Variants in CSMD3 observed in about 807,000 individuals in gnomAD.
CSMD3 encodes CUB and sushi domain-containing protein 3.
Under a neutral mutation model 435.2 loss-of-function variants are expected in CSMD3, and 177 were observed. That is an observed-to-expected ratio of 0.41 (90% confidence interval 0.36 to 0.46). The LOEUF (loss-of-function observed/expected upper bound fraction) is 0.46. Among genes scored for constraint, CSMD3 ranks in the 20% least tolerant of loss-of-function variants. CSMD3 has a pLI of 0.34. For synonymous variants in CSMD3, 1,656 were observed against 1,520.5 expected, an observed-to-expected ratio of 1.09 and a Z score of -2.07; for missense variants, 4,265 against 4,504.6, an observed-to-expected ratio of 0.95 and a Z score of 1.52.
chr8:113,121,862 C>T (rs563117350), intron 4 of CSMD3, among the ~76,000 whole-genome samples: 14 of 152,150 alleles, frequency 9.2e-5, no homozygotes, highest in African/African-American at 3.4e-4. Context: ...TCTTCAAATA[C>T]CTCTTATACC....
chr8:113,271,493 G>A (rs1167355531), intron 3 of CSMD3, among the ~76,000 whole-genome samples: 1 of 152,160 alleles, frequency 6.6e-6, no homozygotes, highest in African/African-American at 2.4e-5. Context: ...GTTTCAGAGG[G>A]TGCAAGCCCC....
Position 113,374,847 on chromosome 8 carries a change from AC to A in CSMD3, c.179-60055del, listed in dbSNP as rs58116595. Among the ~76,000 whole-genome samples, 49 of 27,170 alleles carry A rather than the reference AC, an allele frequency of 1.8e-3. 4 individuals are homozygous for A. The highest frequency in any genetic ancestry group is 2.9e-3 in the African/African-American group (36 of 12,532). 17.8% of individuals were successfully genotyped at this position (27,170 alleles called of 152,430 possible). A position where few individuals can be genotyped will look rare whatever the true frequency, so the allele number is the denominator to read the frequency against. On this transcript the variant is annotated intron_variant, in intron 1 of 70. Transcript: ENST00000297405. ...AAAAAAAAAAAAAAAAAAAAAAAAA[AC>A]CAATAAAATGAACACCATAATACCA...
At chr8:112,475,679 A>T (rs1185170137) in intron 31 of CSMD3, among the ~76,000 whole-genome samples, 1 of 152,172 alleles carries the variant, frequency 6.6e-6, no homozygotes, top group African/African-American at 2.4e-5. Context: ...GCACGAACCT[A>T]ATATTTATAT....
intron 10 of CSMD3, among the ~76,000 whole-genome samples, chr8:112,867,920 C>CT (rs749996522): frequency 6.6e-6 from 1 of 151,998 alleles, no homozygotes; most frequent in Non-Finnish European, 1.5e-5. Flanking sequence ...CTTACTGTAA[C>CT]TTTTTTACTT....
At chr8:112,313,528 C>A (rs1822179512) in intron 49 of CSMD3, among the ~76,000 whole-genome samples, 1 of 152,042 alleles carries the variant, frequency 6.6e-6, no homozygotes, top group Admixed American at 6.6e-5. Context: ...GAAAACAAAT[C>A]TATTTTTTAA....
intron 38 of CSMD3, among the ~76,000 whole-genome samples, chr8:112,374,300 A>G (rs1006330813): frequency 1.3e-5 from 2 of 152,076 alleles, no homozygotes; most frequent in Non-Finnish European, 2.9e-5. Flanking sequence ...ATCTCTCTTT[A>G]TCAGTCCCTC....
intron 45 of CSMD3, among the ~76,000 whole-genome samples, chr8:112,326,570 T>C (rs998652100): frequency 6.6e-6 from 1 of 152,194 alleles, no homozygotes; most frequent in Non-Finnish European, 1.5e-5. Flanking sequence ...TTGACAAATA[T>C]TGGCATCAGC....
chr8:113,351,317 TAA>T lies in CSMD3; in HGVS notation c.179-36526_179-36525del, dbSNP rs2094188479. On this transcript the variant is annotated intron_variant, in intron 1 of 70. Coordinates refer to ENST00000297405, the MANE Select transcript of CSMD3 (RefSeq NM_198123.2). ...AAAGATAGTTCCTATAAAGGTAGAC[TAA>T]AACCCCAAACAGTTAAATGAATATA... 2.6e-5 allele frequency among the ~76,000 whole-genome samples: 4 copies of T among 152,204 alleles called. No individual in the cohort carries two copies. The South Asian group carries it at 8.3e-4, about 32-fold the overall frequency.
chr8:113,044,022 C>T (rs928332924), intron 5 of CSMD3, among the ~76,000 whole-genome samples: 2 of 152,098 alleles, frequency 1.3e-5, no homozygotes, highest in Middle Eastern at 3.4e-3. Context: ...AAATTCTTTT[C>T]ATATAGGTCA....
intron 3 of CSMD3, among the ~76,000 whole-genome samples, chr8:113,235,426 ACAGAGT>A (rs776043974): frequency 3.6e-4 from 55 of 152,142 alleles, no homozygotes; most frequent in Non-Finnish European, 6.5e-4. Context: ...GACCTTTTAC[ACAGAGT>A]CAGGTATAAG....
intron 27 of CSMD3, among the ~76,000 whole-genome samples, chr8:112,522,685 T>C (rs548568250): frequency 1.3e-5 from 2 of 152,054 alleles, no homozygotes; most frequent in African/African-American, 2.4e-5. Flanking sequence ...AAGTGTGCCA[T>C]AACAATATTT....
chr8:112,406,210 T>TA (rs1831844752), intron 35 of CSMD3, among the ~76,000 whole-genome samples: 1 of 152,092 alleles, frequency 6.6e-6, no homozygotes, highest in South Asian at 2.1e-4. Context: ...TAGTCCTTCA[T>TA]AATCCCACAT....
chr8:112,638,861 A>T lies in CSMD3; in HGVS notation c.3361T>A (p.Leu1121Ile). Residue 1121 changes from leucine to isoleucine, a missense_variant, in exon 21 of 71, where the codon TTA becomes ATA. Leu to Ile is a conservative substitution (Grantham distance 5). Transcript: ENST00000297405. ...TFHLEDHHDY[L>I]LITENGSFTQ... ...AAACTGCCATTCTCTGTGATCAGTA[A>T]GTAGTCATGATGGTCTTCCAAATGA... The T allele has an allele frequency of 6.2e-7, 1 of 1,613,494 alleles. No homozygotes were observed. Among genetic ancestry groups the T allele is most frequent in the Non-Finnish European group, 8.5e-7 (1 of 1,179,610 alleles).
At chr8:112,448,415 G>A (rs376742383) in intron 32 of CSMD3, among the ~76,000 whole-genome samples, 4 of 152,206 alleles carry the variant, frequency 2.6e-5, no homozygotes, top group African/African-American at 9.6e-5. Flanking sequence ...AATGGCTGGT[G>A]TCTTTATAAG....
At chr8:113,429,853 T>C (rs966284226) in intron 1 of CSMD3, among the ~76,000 whole-genome samples, 4 of 152,136 alleles carry the variant, frequency 2.6e-5, no homozygotes, top group African/African-American at 9.7e-5. Flanking sequence ...TTTCTTGGCA[T>C]TTGCGCTTAT....
intron 11 of CSMD3, among the ~76,000 whole-genome samples, chr8:112,843,297 T>C (rs1404725975): frequency 1.3e-5 from 2 of 151,870 alleles, no homozygotes; most frequent in Non-Finnish European, 2.9e-5. Flanking sequence ...AAATGGGATT[T>C]AGATGCTCAT....
At chr8:113,256,782 A>G (rs2093384451) in intron 3 of CSMD3, among the ~76,000 whole-genome samples, 1 of 152,224 alleles carries the variant, frequency 6.6e-6, no homozygotes, top group Non-Finnish European at 1.5e-5. Context: ...CATGATGACC[A>G]AACAGACATT....
chr8:113,091,534 T>C (rs535017154), intron 5 of CSMD3, among the ~76,000 whole-genome samples: 3 of 152,162 alleles, frequency 2.0e-5, no homozygotes, highest in African/African-American at 7.2e-5. Flanking sequence ...CAGTTTCTTC[T>C]AGATTTTCCA....
chr8:112,759,965 T>G (rs190125809), intron 13 of CSMD3, among the ~76,000 whole-genome samples: 42 of 152,264 alleles, frequency 2.8e-4, no homozygotes, highest in African/African-American at 9.6e-4. Context: ...GAATCATATA[T>G]TCCAGGTTTG....
Sources: gnomAD v4.1 joint callset for allele counts (sites outside exome capture counted in the v4.1 genomes callset) on GRCh38, gnomAD v4.1.1 for gene constraint, MANE v1.5 for transcripts, NCBI Gene and HGNC (gene_info 2026-07-23, HGNC 2026-07-21) for gene names.